The following SPACA4 variants were observed in gnomAD, a reference collection of about 807,000 sequenced individuals.
SPACA4 encodes the protein sperm acrosome associated 4.
For synonymous variants in SPACA4, 63 were observed against 77.5 expected (o/e 0.81, Z 0.98); for missense variants, 130 against 169.4 (o/e 0.77, Z 1.29).
chr19:48,607,431 A>C lies in SPACA4; in HGVS notation c.*78A>C. ...TGTCCCCATGTCCTTCCCCCACTAAATGGCCAGAGAGGCCCTGGACAACCT... is the reference window on the plus strand; with the variant it reads ...TGTCCCCATGTCCTTCCCCCACTAACTGGCCAGAGAGGCCCTGGACAACCT... On this transcript the variant is annotated 3_prime_UTR_variant, in exon 1 of 1. Coordinates refer to ENST00000321762, the MANE Select transcript of SPACA4 (RefSeq NM_133498.3). The C allele has an allele frequency of 6.8e-7, 1 of 1,480,452 alleles. No homozygotes were observed. The highest frequency in any genetic ancestry group is 9.0e-7 in the Non-Finnish European group (1 of 1,106,580). The allele number at this position is 1,480,452 out of a possible 1,614,324, so 91.7% of individuals were successfully genotyped here. A position where few individuals can be genotyped will look rare whatever the true frequency, so the allele number is the denominator to read the frequency against.
chr19:48,607,529 C>A lies in SPACA4; in HGVS notation c.*176C>A. On this transcript the variant is annotated 3_prime_UTR_variant, in exon 1 of 1. Transcript: ENST00000321762. ...GGTGCTAGGGGAAGCATCCCCAGGC[C>A]TGACTGAGCGGCAGGGGAGCACGGC... The A allele has an allele frequency of 1.2e-6, 1 of 849,836 alleles. No homozygotes were observed. The highest frequency in any genetic ancestry group is 1.8e-6 in the Non-Finnish European group (1 of 553,348). The allele number at this position is 849,836 out of a possible 1,614,324, so 52.6% of individuals were successfully genotyped here.
rs1427862654 is a variant in SPACA4, at chr19:48,606,901, G to A, written c.-78G>A. 1.0e-5 allele frequency: 16 copies of A among 1,525,902 alleles called. No individual in the cohort carries two copies. The highest frequency in any genetic ancestry group is 1.4e-5 in the Non-Finnish European group (16 of 1,141,704). 94.5% of individuals were successfully genotyped at this position (1,525,902 alleles called of 1,614,324 possible). A position where few individuals can be genotyped will look rare whatever the true frequency, so the allele number is the denominator to read the frequency against. ...CCCGTGGGCAAGAGGAGTCCTCAGAGGTCCTTCATTCAGCGGTTCCGGGAG... is the reference window on the plus strand; with the variant it reads ...CCCGTGGGCAAGAGGAGTCCTCAGAAGTCCTTCATTCAGCGGTTCCGGGAG... On this transcript the variant is annotated 5_prime_UTR_variant, in exon 1 of 1. Transcript: ENST00000321762.
chr19:48,607,084 G>T lies in SPACA4; in HGVS notation c.106G>T (p.Gly36Cys). 6.2e-7 allele frequency: 1 copy of T among 1,613,242 alleles called. No individual in the cohort carries two copies. Among genetic ancestry groups the T allele is most frequent in the Non-Finnish European group, 8.5e-7 (1 of 1,180,018 alleles). Residue 36 changes from glycine (G) to cysteine (C), a missense_variant, in exon 1 of 1, where the codon GGT becomes TGT. By Grantham distance (159) the Gly-to-Cys change is radical. Coordinates refer to ENST00000321762, the MANE Select transcript of SPACA4 (RefSeq NM_133498.3). ...CELTDSMQCP[G>C]TYMHCGDDED... Reference sequence around the variant, plus strand: ...GCTCACCGACTCCATGCAGTGTCCTGGTACCTACATGCACTGTGGCGATGA... The same window carrying T: ...GCTCACCGACTCCATGCAGTGTCCTTGTACCTACATGCACTGTGGCGATGA...
At position 48,607,436 on chromosome 19, in the gene SPACA4, C is replaced by T. The variant is rs1973955433; in HGVS notation, c.*83C>T. 2.0e-6 allele frequency: 3 copies of T among 1,475,470 alleles called. No individual in the cohort carries two copies. The Admixed American group carries it at 6.7e-5, about 33-fold the overall frequency. 91.4% of individuals were successfully genotyped at this position (1,475,470 alleles called of 1,614,324 possible). A position where few individuals can be genotyped will look rare whatever the true frequency, so the allele number is the denominator to read the frequency against. On this transcript the variant is annotated 3_prime_UTR_variant, in exon 1 of 1. Transcript: ENST00000321762. ...CCATGTCCTTCCCCCACTAAATGGC[C>T]AGAGAGGCCCTGGACAACCTCTTGC... is the stretch of plus-strand genomic sequence containing the variant.
Position 48,607,628 on chromosome 19 carries a change from T to C in SPACA4, c.*275T>C. 1 of 482,548 alleles carries C rather than the reference T, an allele frequency of 2.1e-6. No individual in the cohort carries two copies. The highest frequency in any genetic ancestry group is 3.8e-6 in the Non-Finnish European group (1 of 263,472). The allele number at this position is 482,548 out of a possible 1,614,324, so 29.9% of individuals were successfully genotyped here. The stretch of plus-strand genomic sequence containing the variant: ...GCTTCTCACATCTCAATCAGGATGC[T>C]TCTCTCCATTGGTAGCACTTTAGAG... On this transcript the variant is annotated 3_prime_UTR_variant, in exon 1 of 1. Coordinates refer to ENST00000321762, the MANE Select transcript of SPACA4 (RefSeq NM_133498.3).
At position 48,607,517 on chromosome 19, in the gene SPACA4, G is replaced by C; in HGVS notation, c.*164G>C. ...CACCAGGAGCCCGGTGCTAGGGGAAGCATCCCCAGGCCTGACTGAGCGGCA... is the reference window on the plus strand; with the variant it reads ...CACCAGGAGCCCGGTGCTAGGGGAACCATCCCCAGGCCTGACTGAGCGGCA... On this transcript the variant is annotated 3_prime_UTR_variant, in exon 1 of 1. Coordinates refer to ENST00000321762, the MANE Select transcript of SPACA4 (RefSeq NM_133498.3). 1.1e-6 allele frequency: 1 copy of C among 941,990 alleles called. No individual in the cohort carries two copies. Among genetic ancestry groups the C allele is most frequent in the South Asian group, 1.8e-5 (1 of 56,568 alleles). 58.4% of individuals were successfully genotyped at this position (941,990 alleles called of 1,614,324 possible). A position where few individuals can be genotyped will look rare whatever the true frequency, so the allele number is the denominator to read the frequency against.
In SPACA4 at chr19:48,607,425, C is replaced by G; in HGVS notation, c.*72C>G. On this transcript the variant is annotated 3_prime_UTR_variant, in exon 1 of 1. Coordinates refer to ENST00000321762, the MANE Select transcript of SPACA4 (RefSeq NM_133498.3). ...TCCCCATGTCCCCATGTCCTTCCCC[C>G]ACTAAATGGCCAGAGAGGCCCTGGA... 6.7e-7 allele frequency: 1 copy of G among 1,490,798 alleles called. No individual in the cohort carries two copies. The allele number at this position is 1,490,798 out of a possible 1,614,324, so 92.3% of individuals were successfully genotyped here.
chr19:48,607,574 ACTCTG>A lies in SPACA4; in HGVS notation c.*222_*226del. 1.7e-6 allele frequency: 1 copy of A among 596,986 alleles called. No individual in the cohort carries two copies. The highest frequency in any genetic ancestry group is 3.0e-6 in the Non-Finnish European group (1 of 333,040). 37.0% of individuals were successfully genotyped at this position (596,986 alleles called of 1,614,324 possible). A position where few individuals can be genotyped will look rare whatever the true frequency, so the allele number is the denominator to read the frequency against. ...CACGGCCCGTGGGTTTGATTGTATT[ACTCTG>A]TTCCACTGGTTCTAAGACGCAGAGC... On this transcript the variant is annotated 3_prime_UTR_variant, in exon 1 of 1. Transcript: ENST00000321762.
chr19:48,607,016 T>C lies in SPACA4; in HGVS notation c.38T>C (p.Leu13Pro). 1.2e-6 allele frequency: 2 copies of C among 1,610,748 alleles called. No homozygotes were observed. The highest frequency in any genetic ancestry group is 8.5e-7 in the Non-Finnish European group (1 of 1,179,946). ...TGGCTGCTGCTTCTGGTGATGGCTC[T>C]GCCCCCAGGCACGACGGGCGTCAAG... ...LCWLLLLVMA[L>P]PPGTTGVKDC... The change falls in exon 1 of 1, where the codon CTG (leucine) becomes CCG (proline). Residue 13 changes from leucine (L) to proline (P), a missense_variant. By Grantham distance (98) the Leu-to-Pro change is moderately conservative (BLOSUM62 -3). Coordinates refer to ENST00000321762, the MANE Select transcript of SPACA4 (RefSeq NM_133498.3).
Position 48,606,883 on chromosome 19 carries a change from G to C in SPACA4, c.-96G>C. 1 of 1,457,482 alleles carries C rather than the reference G, an allele frequency of 6.9e-7. No individual in the cohort carries two copies. The highest frequency in any genetic ancestry group is 9.1e-7 in the Non-Finnish European group (1 of 1,097,620). 90.3% of individuals were successfully genotyped at this position (1,457,482 alleles called of 1,614,324 possible). ...CAGGACCAGGGCCAAAGTCCCGTGG[G>C]CAAGAGGAGTCCTCAGAGGTCCTTC... On this transcript the variant is annotated 5_prime_UTR_variant, in exon 1 of 1. Coordinates refer to ENST00000321762, the MANE Select transcript of SPACA4 (RefSeq NM_133498.3).
In SPACA4 at chr19:48,607,317, G is replaced by T; in HGVS notation, c.339G>T (p.Leu113=). The change falls in exon 1 of 1, where the codon CTG becomes CTT. Residue 113 remains leucine (L), a synonymous_variant. Transcript: ENST00000321762. Reference sequence around the variant, plus strand: ...TGGGGGCCACCACCAGCCTGGCACTGGGGCTGGGTATGCTGCTTCCTCCAC... The same window carrying T: ...TGGGGGCCACCACCAGCCTGGCACTTGGGCTGGGTATGCTGCTTCCTCCAC... ...QTVGATTSLA[L]GLGMLLPPRL... The T allele has an allele frequency of 6.3e-7, 1 of 1,596,328 alleles. No individual in the cohort carries two copies.
In SPACA4 at chr19:48,607,577, C is replaced by T. The variant is rs1973958849; in HGVS notation, c.*224C>T. 1 of 592,878 alleles carries T rather than the reference C, an allele frequency of 1.7e-6. No individual in the cohort carries two copies. Among genetic ancestry groups the T allele is most frequent in the Non-Finnish European group, 3.0e-6 (1 of 330,668 alleles). 36.7% of individuals were successfully genotyped at this position (592,878 alleles called of 1,614,324 possible). A position where few individuals can be genotyped will look rare whatever the true frequency, so the allele number is the denominator to read the frequency against. ...GGCCCGTGGGTTTGATTGTATTACT[C>T]TGTTCCACTGGTTCTAAGACGCAGA... On this transcript the variant is annotated 3_prime_UTR_variant, in exon 1 of 1. Transcript: ENST00000321762.
Position 48,607,024 on chromosome 19 carries a change from G to A in SPACA4, c.46G>A (p.Gly16Ser), listed in dbSNP as rs1258671778. The change falls in exon 1 of 1, where the codon GGC becomes AGC. Residue 16 changes from glycine to serine, a missense_variant. By Grantham distance (56) the Gly-to-Ser change is moderately conservative. Coordinates refer to ENST00000321762, the MANE Select transcript of SPACA4 (RefSeq NM_133498.3). ...GCTTCTGGTGATGGCTCTGCCCCCAGGCACGACGGGCGTCAAGGACTGCGT... is the reference window on the plus strand; with the variant it reads ...GCTTCTGGTGATGGCTCTGCCCCCAAGCACGACGGGCGTCAAGGACTGCGT... ...LLLLVMALPP[G>S]TTGVKDCVFC... The A allele has an allele frequency of 6.2e-7, 1 of 1,611,390 alleles. No individual in the cohort carries two copies. Among genetic ancestry groups the A allele is most frequent in the South Asian group, 1.1e-5 (1 of 91,090 alleles).
At position 48,606,810 on chromosome 19, in the gene SPACA4, G is replaced by C. The variant is rs141018754; in HGVS notation, c.-169G>C. On this transcript the variant is annotated 5_prime_UTR_variant, in exon 1 of 1. Coordinates refer to ENST00000321762, the MANE Select transcript of SPACA4 (RefSeq NM_133498.3). ...CTCCATCCCCAGGACTTAGAGGGACGCAGGGCGTTGGGAACAGAGGACACT... is the reference window on the plus strand; with the variant it reads ...CTCCATCCCCAGGACTTAGAGGGACCCAGGGCGTTGGGAACAGAGGACACT... 6.5e-6 allele frequency: 5 copies of C among 766,364 alleles called. No individual in the cohort carries two copies. Among genetic ancestry groups the C allele is most frequent in the Non-Finnish European group, 1.0e-5 (5 of 489,222 alleles). The allele number at this position is 766,364 out of a possible 1,614,324, so 47.5% of individuals were successfully genotyped here.
In SPACA4 at chr19:48,607,222, G is replaced by A. The variant is rs776576146; in HGVS notation, c.244G>A (p.Val82Ile). The A allele has an allele frequency of 3.0e-5, 49 of 1,612,600 alleles. No homozygotes were observed. The highest frequency in any genetic ancestry group is 1.6e-4 in the Middle Eastern group (1 of 6,084). Residue 82 changes from valine to isoleucine, a missense_variant, in exon 1 of 1, where the codon GTC becomes ATC. Val to Ile is a conservative substitution (Grantham distance 29). Coordinates refer to ENST00000321762, the MANE Select transcript of SPACA4 (RefSeq NM_133498.3). Reference protein sequence around the residue: ...GLEEPVSYRGVTYSLTTNCCT... With the variant: ...GLEEPVSYRGITYSLTTNCCT... The stretch of plus-strand genomic sequence containing the variant: ...TGAGGAACCCGTCAGCTACAGGGGC[G>A]TCACCTACAGCCTCACCACCAACTG...
At position 48,607,677 on chromosome 19, in the gene SPACA4, T is replaced by C. The variant is rs1973960672; in HGVS notation, c.*324T>C. 3 of 310,120 alleles carry C rather than the reference T, an allele frequency of 9.7e-6. No individual in the cohort carries two copies. The highest frequency in any genetic ancestry group is 1.8e-5 in the Non-Finnish European group (3 of 163,124). 19.2% of individuals were successfully genotyped at this position (310,120 alleles called of 1,614,324 possible). ...AGTCCATGAAATATGGTAAAAAATA[T>C]ATATATATCATAATAAATGACAGCT... On this transcript the variant is annotated 3_prime_UTR_variant, in exon 1 of 1. Transcript: ENST00000321762.
Position 48,607,471 on chromosome 19 carries a change from T to G in SPACA4, c.*118T>G, listed in dbSNP as rs989081006. Reference sequence around the variant, plus strand: ...CTGGACAACCTCTTGCGGCCCTGGCTTCATCCCTTCTAAGGCTGTCCACCA... The same window carrying G: ...CTGGACAACCTCTTGCGGCCCTGGCGTCATCCCTTCTAAGGCTGTCCACCA... On this transcript the variant is annotated 3_prime_UTR_variant, in exon 1 of 1. Transcript: ENST00000321762. 2 of 1,353,322 alleles carry G rather than the reference T, an allele frequency of 1.5e-6. No homozygotes were observed. The highest frequency in any genetic ancestry group is 2.9e-5 in the African/African-American group (2 of 68,092). The allele number at this position is 1,353,322 out of a possible 1,614,324, so 83.8% of individuals were successfully genotyped here.
In SPACA4 at chr19:48,607,612, A is replaced by G; in HGVS notation, c.*259A>G. ...GGTTCTAAGACGCAGAGCTTCTCACATCTCAATCAGGATGCTTCTCTCCAT... is the reference window on the plus strand; with the variant it reads ...GGTTCTAAGACGCAGAGCTTCTCACGTCTCAATCAGGATGCTTCTCTCCAT... On this transcript the variant is annotated 3_prime_UTR_variant, in exon 1 of 1. Coordinates refer to ENST00000321762, the MANE Select transcript of SPACA4 (RefSeq NM_133498.3). 1 of 505,858 alleles carries G rather than the reference A, an allele frequency of 2.0e-6. No individual in the cohort carries two copies. The highest frequency in any genetic ancestry group is 3.6e-6 in the Non-Finnish European group (1 of 277,156). The allele number at this position is 505,858 out of a possible 1,614,324, so 31.3% of individuals were successfully genotyped here. A position where few individuals can be genotyped will look rare whatever the true frequency, so the allele number is the denominator to read the frequency against.
rs1382362325 is a variant in SPACA4 at position 48,606,978 on chromosome 19, C to T, written c.-1C>T. On this transcript the variant is annotated 5_prime_UTR_variant, in exon 1 of 1. Coordinates refer to ENST00000321762, the MANE Select transcript of SPACA4 (RefSeq NM_133498.3). ...GGCAGGGTCAACGCCGCCAGGCCGC[C>T]ATGGTCCTGTGCTGGCTGCTGCTTC... 5 of 1,604,540 alleles carry T rather than the reference C, an allele frequency of 3.1e-6. No homozygotes were observed. In the African/African-American group the frequency reaches 6.7e-5, roughly 21 times the overall value.
Sources: gnomAD v4.1 joint callset for allele counts on GRCh38, gnomAD v4.1.1 for gene constraint, MANE v1.5 for transcripts, NCBI Gene and HGNC (gene_info 2026-07-23, HGNC 2026-07-21) for gene names.